The following FARS2 variants were observed in gnomAD, a reference collection of about 807,000 sequenced individuals.
FARS2 encodes the protein phenylalanyl-tRNA synthetase 2, mitochondrial.
FARS2 carries 40 observed loss-of-function variants against 46.4 expected under a neutral mutation model. The ratio of observed to expected loss-of-function variants is 0.86; its 90% CI spans 0.67 to 1.12. FARS2 has a LOEUF of 1.12. Among genes scored for constraint, FARS2 ranks in the 50% most tolerant of loss-of-function variants. The pLI, the probability that FARS2 is intolerant of heterozygous loss-of-function variation, is 0.00. For synonymous variants in FARS2, 234 were observed against 214.9 expected (o/e 1.09, Z -0.78); for missense variants, 513 against 567.9 (o/e 0.90, Z 0.98).
At chr6:5,694,663 G>A (rs1257571288) in intron 6 of FARS2, among the ~76,000 whole-genome samples, 1 of 152,110 alleles carries the variant, frequency 6.6e-6, no homozygotes, top group African/African-American at 2.4e-5. Flanking sequence ...TCAGCAATGT[G>A]TAGTGCCTAT....
chr6:5,332,672 G>C (rs1770878595), intron 1 of FARS2, among the ~76,000 whole-genome samples: 1 of 152,306 alleles, frequency 6.6e-6, no homozygotes, highest in Middle Eastern at 3.4e-3. Flanking sequence ...ATTTATGTTG[G>C]ATGTAAGATG....
chr6:5,621,269 TA>T (rs1775762292), intron 6 of FARS2, among the ~76,000 whole-genome samples: 1 of 151,592 alleles, frequency 6.6e-6, no homozygotes, highest in Admixed American at 6.6e-5. Flanking sequence ...TTTTTTTTTT[TA>T]ATAGAGATGG....
At chr6:5,405,488 T>C (rs868649534) in intron 3 of FARS2, among the ~76,000 whole-genome samples, 6 of 125,504 alleles carry the variant, frequency 4.8e-5, no homozygotes, top group Admixed American at 7.9e-5. Flanking sequence ...TTCTTTTTTT[T>C]TTTTTTTTTT....
chr6:5,739,116 A>G (rs1458962248), intron 6 of FARS2, among the ~76,000 whole-genome samples: 1 of 152,172 alleles, frequency 6.6e-6, no homozygotes, highest in Non-Finnish European at 1.5e-5. Flanking sequence ...ACACGGAGTC[A>G]CACTGAATGT....
In FARS2 at chr6:5,655,008, A is replaced by G. The variant is rs80141746; in HGVS notation, c.1217+41688A>G. Among the ~76,000 whole-genome samples the G allele has an allele frequency of 5.3e-5, 8 of 152,242 alleles. No homozygotes were observed. In the East Asian group the frequency reaches 1.2e-3, roughly 22 times the overall value. On this transcript the variant is annotated intron_variant, in intron 6 of 6. Transcript: ENST00000274680. ...ATTGTAGCAGTATAGTATATAATACATACGACATACAAAATATGTGTTAAC... is the reference window on the plus strand; with the variant it reads ...ATTGTAGCAGTATAGTATATAATACGTACGACATACAAAATATGTGTTAAC...
At chr6:5,582,222 C>G (rs1157048462) in intron 5 of FARS2, among the ~76,000 whole-genome samples, 17 of 105,666 alleles carry the variant, frequency 1.6e-4, no homozygotes, top group East Asian at 3.0e-4. Flanking sequence ...GTCACAGTAA[C>G]ATACTTCCGG....
chr6:5,748,795 ATGCTGTGGATGCT>A (rs1761782124), intron 6 of FARS2, among the ~76,000 whole-genome samples: 1 of 152,196 alleles, frequency 6.6e-6, no homozygotes, highest in African/African-American at 2.4e-5. Flanking sequence ...CTGTGGGCGA[ATGCTGTGGATGCT>A]TGCTGCTTTG....
chr6:5,692,420 C>T (rs546155477), intron 6 of FARS2, among the ~76,000 whole-genome samples: 5 of 152,310 alleles, frequency 3.3e-5, no homozygotes, highest in Admixed American at 2.6e-4. Flanking sequence ...TATCTTTTGG[C>T]AAACCATATA....
chr6:5,666,401 C>G (rs1008081420), intron 6 of FARS2, among the ~76,000 whole-genome samples: 5 of 152,176 alleles, frequency 3.3e-5, no homozygotes, highest in Non-Finnish European at 7.3e-5. Context: ...CCTGCCCCTC[C>G]ACTGCCAGGA....
intron 6 of FARS2, among the ~76,000 whole-genome samples, chr6:5,696,502 A>C (rs1246640011): frequency 6.6e-6 from 1 of 152,204 alleles, no homozygotes; most frequent in Non-Finnish European, 1.5e-5. Flanking sequence ...ATTCCACAAT[A>C]GGTATGGCCC....
chr6:5,521,982 T>C (rs9504424), intron 4 of FARS2, among the ~76,000 whole-genome samples: 5,025 of 152,316 alleles, frequency 0.033, 265 homozygotes, highest in African/African-American at 0.11. Flanking sequence ...TTTGGTCCCA[T>C]TCAGAGGTTA....
At chr6:5,769,626 G>C (rs979393310) in intron 6 of FARS2, among the ~76,000 whole-genome samples, 1 of 152,218 alleles carries the variant, frequency 6.6e-6, no homozygotes, top group African/African-American at 2.4e-5. Context: ...GAAAAAGAAA[G>C]AGCCAGGTGG....
At chr6:5,710,206 G>A (rs370668841) in intron 6 of FARS2, among the ~76,000 whole-genome samples, 6 of 152,176 alleles carry the variant, frequency 3.9e-5, no homozygotes, top group African/African-American at 1.2e-4. Context: ...ATATGTGATA[G>A]AGACAGATGA....
chr6:5,572,011 C>G (rs748640431), intron 5 of FARS2, among the ~76,000 whole-genome samples: 31 of 152,278 alleles, frequency 2.0e-4, no homozygotes, highest in Middle Eastern at 3.4e-3. Flanking sequence ...TAGTCAGGCC[C>G]CTATCCTATA....
At chr6:5,766,626 G>C (rs1395865464) in intron 6 of FARS2, among the ~76,000 whole-genome samples, 3 of 152,190 alleles carry the variant, frequency 2.0e-5, no homozygotes, top group African/African-American at 7.2e-5. Context: ...GTTAATAGCT[G>C]GGCTCTGAAA....
intron 4 of FARS2, among the ~76,000 whole-genome samples, chr6:5,510,025 G>A (rs930021139): frequency 6.6e-6 from 1 of 152,124 alleles, no homozygotes. Flanking sequence ...GTTGGGCTGG[G>A]GATTAAGGAG....
intron 6 of FARS2, among the ~76,000 whole-genome samples, chr6:5,684,908 A>G (rs1354243332): frequency 2.0e-5 from 3 of 152,238 alleles, no homozygotes; most frequent in African/African-American, 4.8e-5. Flanking sequence ...TTCACCAGCC[A>G]GGGAAGAATT....
At chr6:5,646,362 T>C (rs1173680367) in intron 6 of FARS2, among the ~76,000 whole-genome samples, 4 of 152,188 alleles carry the variant, frequency 2.6e-5, no homozygotes, top group Non-Finnish European at 4.4e-5. Context: ...TGGTGTGACC[T>C]TCGACAGGTC....
chr6:5,412,507 A>G (rs73718101), intron 3 of FARS2, among the ~76,000 whole-genome samples: 5,373 of 152,280 alleles, frequency 0.035, 353 homozygotes, highest in African/African-American at 0.12. Flanking sequence ...CCCATCCAGC[A>G]GAAACATTCT....
Sources: gnomAD v4.1 joint callset for allele counts (sites outside exome capture counted in the v4.1 genomes callset) on GRCh38, gnomAD v4.1.1 for gene constraint, MANE v1.5 for transcripts, NCBI Gene and HGNC (gene_info 2026-07-23, HGNC 2026-07-21) for gene names.